The following THSD7B variants were observed in gnomAD, a reference collection of about 807,000 sequenced individuals.
THSD7B encodes thrombospondin type-1 domain-containing protein 7B.
Under a neutral mutation model 213.6 loss-of-function variants are expected in THSD7B, and 138 were observed. The ratio of observed to expected loss-of-function variants is 0.65; its 90% CI spans 0.56 to 0.74. The LOEUF (loss-of-function observed/expected upper bound fraction) is 0.74. THSD7B is among the 30% of genes least tolerant of loss of function. THSD7B has a pLI of 0.00. For missense variants in THSD7B, 1,931 were observed against 1,991.5 expected, an observed-to-expected ratio of 0.97 and a Z score of 0.58; for synonymous variants, 742 against 687.0, an observed-to-expected ratio of 1.08 and a Z score of -1.25.
chr2:137,081,218 G>A (rs1032207245), intron 3 of THSD7B, among the ~76,000 whole-genome samples: 10 of 152,012 alleles, frequency 6.6e-5, no homozygotes, highest in Non-Finnish European at 1.0e-4. Flanking sequence ...ATAGTAGTTC[G>A]TTTCAATGTA....
intron 2 of THSD7B, among the ~76,000 whole-genome samples, chr2:136,939,849 C>T (rs1684790706): frequency 6.6e-6 from 1 of 152,070 alleles, no homozygotes; most frequent in African/African-American, 2.4e-5. Flanking sequence ...TTATTTAGCA[C>T]ATCCTCAACC....
At chr2:137,588,259 A>G (rs1279880035) in intron 17 of THSD7B, among the ~76,000 whole-genome samples, 2 of 152,156 alleles carry the variant, frequency 1.3e-5, no homozygotes, top group African/African-American at 4.8e-5. Flanking sequence ...AGGAAAGGGA[A>G]TTCCCTGACC....
At chr2:137,044,487 T>C (rs1376200901) in intron 2 of THSD7B, among the ~76,000 whole-genome samples, 1 of 152,152 alleles carries the variant, frequency 6.6e-6, no homozygotes, top group Non-Finnish European at 1.5e-5. Flanking sequence ...AAAGTCCACC[T>C]TTGTTCCTGG....
chr2:137,078,574 G>T (rs75986287), intron 3 of THSD7B, among the ~76,000 whole-genome samples: 12,361 of 151,850 alleles, frequency 0.081, 706 homozygotes, highest in African/African-American at 0.16. Flanking sequence ...TGTTAATTTT[G>T]TCTACTATTT....
At chr2:137,559,323 G>A (rs111693820) in intron 15 of THSD7B, among the ~76,000 whole-genome samples, 3 of 152,090 alleles carry the variant, frequency 2.0e-5, no homozygotes, top group South Asian at 2.1e-4. Context: ...ATACTGCAAG[G>A]CTACAGTAAC....
At chr2:137,654,390 C>T (rs556887448) in intron 21 of THSD7B, among the ~76,000 whole-genome samples, 22 of 152,278 alleles carry the variant, frequency 1.4e-4, no homozygotes, top group African/African-American at 5.3e-4. Flanking sequence ...GGATAGTAGT[C>T]ATCCCTCCCC....
At chr2:137,135,081 A>G (rs554267609) in intron 5 of THSD7B, among the ~76,000 whole-genome samples, 1 of 152,302 alleles carries the variant, frequency 6.6e-6, no homozygotes, top group African/African-American at 2.4e-5. Context: ...AAAATAGTAA[A>G]CATATAATGC....
Position 137,622,236 on chromosome 2 carries a change from A to C in THSD7B, c.3799+1510A>C, listed in dbSNP as rs151114588. On this transcript the variant is annotated intron_variant, in intron 20 of 27. Transcript: ENST00000409968. The stretch of plus-strand genomic sequence containing the variant: ...CATGTTCCTCTCACATGCAAAATAC[A>C]ATCATTCCATCCAATAATCCTAAGT... Among the ~76,000 whole-genome samples, 229 of 152,336 alleles carry C rather than the reference A, an allele frequency of 1.5e-3. 1 individual carries two copies. The highest frequency in any genetic ancestry group is 5.1e-3 in the African/African-American group (210 of 41,582).
rs114149820 is a variant in THSD7B, at chr2:136,828,067, T to C, written c.-35-54077T>C. 5.8e-3 allele frequency among the ~76,000 whole-genome samples: 885 copies of C among 152,048 alleles called. 16 individuals carry two copies. The highest frequency in any genetic ancestry group is 0.02 in the African/African-American group (827 of 41,446). On this transcript the variant is annotated intron_variant, in intron 1 of 27. Transcript: ENST00000409968. ...GAAGATGCTGACAGGTGAGTGAAGA[T>C]TGGGGTATACTTTACTCTTAATTTT...
intron 15 of THSD7B, among the ~76,000 whole-genome samples, chr2:137,523,206 C>T (rs914468141): frequency 6.6e-6 from 1 of 152,132 alleles, no homozygotes; most frequent in African/African-American, 2.4e-5. Context: ...GTCATTAATT[C>T]AAAATTCAAT....
Position 137,444,911 on chromosome 2 carries a change from T to A in THSD7B, c.2960-5934T>A, listed in dbSNP as rs188338896. Among the ~76,000 whole-genome samples, 4 of 151,620 alleles carry A rather than the reference T, an allele frequency of 2.6e-5. No homozygotes were observed. In the East Asian group the frequency reaches 7.7e-4, roughly 29 times the overall value. ...AACCAGAATATAAAAGGAACTCCAA[T>A]AGCAAAAACAAATAATCCAGTTGAA... On this transcript the variant is annotated intron_variant, in intron 14 of 27. Coordinates refer to ENST00000409968, the MANE Select transcript of THSD7B (RefSeq NM_001316349.2).
intron 7 of THSD7B, among the ~76,000 whole-genome samples, chr2:137,217,461 T>C (rs1681274680): frequency 6.6e-6 from 1 of 152,178 alleles, no homozygotes. Context: ...ACAGGAATCA[T>C]TATTTACATA....
At chr2:137,479,544 G>A in intron 15 of THSD7B, 1 of 346,140 alleles carries the variant, frequency 2.9e-6, no homozygotes, top group South Asian at 2.1e-5. Flanking sequence ...CCTTAGGCAG[G>A]TGGCTGGGGA....
At chr2:137,109,417 A>G (rs796586160) in intron 4 of THSD7B, among the ~76,000 whole-genome samples, 3 of 152,312 alleles carry the variant, frequency 2.0e-5, no homozygotes, top group East Asian at 1.9e-4. Flanking sequence ...GGATGATTCA[A>G]GTGCATTACT....
chr2:137,080,239 C>T (rs1687717505), intron 3 of THSD7B, among the ~76,000 whole-genome samples: 1 of 151,816 alleles, frequency 6.6e-6, no homozygotes, highest in African/African-American at 2.4e-5. Context: ...CTCACTTCAT[C>T]ACCCAGGCTG....
chr2:137,360,286 T>A (rs1180880369), intron 12 of THSD7B, among the ~76,000 whole-genome samples: 2 of 152,240 alleles, frequency 1.3e-5, no homozygotes, highest in East Asian at 1.9e-4. Context: ...GGTCTGCAGC[T>A]CTCAGTGTGA....
chr2:137,173,658 G>T (rs1485140189), intron 7 of THSD7B, among the ~76,000 whole-genome samples: 1 of 152,166 alleles, frequency 6.6e-6, no homozygotes, highest in Non-Finnish European at 1.5e-5. Flanking sequence ...CGTTTGTGGG[G>T]CAATGGCCAT....
chr2:137,189,556 A>T (rs1051658286), intron 7 of THSD7B, among the ~76,000 whole-genome samples: 17 of 138,098 alleles, frequency 1.2e-4, no homozygotes, highest in African/African-American at 3.7e-4. Flanking sequence ...CCTCCCCATG[A>T]CCTATGCCCT....
chr2:137,095,201 C>T, intron 4 of THSD7B, 80 bp downstream of exon 4: 1 of 1,541,722 alleles, frequency 6.5e-7, no homozygotes, highest in South Asian at 1.2e-5. Context: ...ATGAAAGTAG[C>T]TGTGACTCAT....
Sources: gnomAD v4.1 joint callset for allele counts (sites outside exome capture counted in the v4.1 genomes callset) on GRCh38, gnomAD v4.1.1 for gene constraint, MANE v1.5 for transcripts, NCBI Gene and HGNC (gene_info 2026-07-23, HGNC 2026-07-21) for gene names.